The following TRMT61B variants were observed in gnomAD, a reference collection of about 807,000 sequenced individuals.
TRMT61B encodes the protein tRNA methyltransferase 61B.
In TRMT61B, 56 loss-of-function variants were observed where a neutral mutation model predicts 52.0. The ratio of observed to expected loss-of-function variants is 1.08; its 90% CI spans 0.87 to 1.35. TRMT61B has a LOEUF of 1.35. Ranked by LOEUF, TRMT61B falls within the 40% of genes most tolerant of loss-of-function variation. The probability of loss-of-function intolerance (pLI) is 0.00; values close to 1 mark genes in which losing one functional copy is unlikely to be tolerated. For synonymous variants in TRMT61B, 206 were observed against 220.0 expected (o/e 0.94, Z 0.56); for missense variants, 650 against 577.9 (o/e 1.12, Z -1.28).
intron 3 of TRMT61B, among the ~76,000 whole-genome samples, chr2:28,852,904 A>C (rs1222635253): frequency 2.0e-5 from 3 of 151,984 alleles, no homozygotes; most frequent in African/African-American, 7.3e-5. Flanking sequence ...GGCTGTAGTG[A>C]CCTATGACTG....
chr2:28,865,883 G>A (rs1039492522), intron 1 of TRMT61B, among the ~76,000 whole-genome samples: 8 of 151,520 alleles, frequency 5.3e-5, no homozygotes, highest in Non-Finnish European at 1.0e-4. Context: ...GTTTCACCAC[G>A]TTGGCCAGGC....
chr2:28,862,333 GTTTTT>G (rs369559361), intron 2 of TRMT61B, among the ~76,000 whole-genome samples: 64 of 126,906 alleles, frequency 5.0e-4, no homozygotes, highest in African/African-American at 1.8e-3. Flanking sequence ...TTTGAGTTTG[GTTTTT>G]TTTTTTTTTT....
chr2:28,858,478 T>A (rs1348942383), intron 3 of TRMT61B, among the ~76,000 whole-genome samples: 1 of 151,954 alleles, frequency 6.6e-6, no homozygotes, highest in Admixed American at 6.6e-5. Context: ...TCAGATCAGA[T>A]CTGGCCACCA....
chr2:28,850,676 T>TA (rs1669052881), intron 5 of TRMT61B: 1 of 367,850 alleles, frequency 2.7e-6, no homozygotes, highest in Non-Finnish European at 4.8e-6. Flanking sequence ...ATAATGTGTA[T>TA]ATATGACAAA....
chr2:28,851,347 T>C (rs1669088758), intron 4 of TRMT61B, 49 bp from the exon 5 acceptor site: 1 of 1,313,756 alleles, frequency 7.6e-7, no homozygotes, highest in African/African-American at 1.5e-5. Flanking sequence ...AATAACATTA[T>C]ATTTATTTAA....
At position 28,867,343 on chromosome 2, in the gene TRMT61B, C is replaced by T. The variant is rs143491835; in HGVS notation, c.700-2224G>A. Among the ~76,000 whole-genome samples the T allele has an allele frequency of 1.8e-3, 269 of 152,244 alleles. 1 individual carries two copies. The highest frequency in any genetic ancestry group is 2.4e-3 in the Non-Finnish European group (160 of 68,000). On this transcript the variant is annotated intron_variant, in intron 1 of 6. Coordinates refer to ENST00000306108, the MANE Select transcript of TRMT61B (RefSeq NM_017910.4). ...CTTCTGGGCTCAAATGATCCTCCTG[C>T]CTCAGCCTCCCAAAATATTGAGATT... is the stretch of plus-strand genomic sequence containing the variant.
At chr2:28,863,105 C>T (rs1158857444) in intron 2 of TRMT61B, among the ~76,000 whole-genome samples, 1 of 151,924 alleles carries the variant, frequency 6.6e-6, no homozygotes, top group Non-Finnish European at 1.5e-5. Flanking sequence ...ACTCCAACTG[C>T]AAGTTATCAG....
intron 3 of TRMT61B, among the ~76,000 whole-genome samples, chr2:28,860,605 CCTCACAATGTCTCTG>C (rs758518435): frequency 1.3e-5 from 2 of 152,170 alleles, no homozygotes; most frequent in Non-Finnish European, 2.9e-5. Flanking sequence ...TGTTTCTCTT[CCTCACAATGTCTCTG>C]CTCCACTTTC....
chr2:28,869,087 A>G (rs1669968945), intron 1 of TRMT61B, among the ~76,000 whole-genome samples: 1 of 152,220 alleles, frequency 6.6e-6, no homozygotes, highest in African/African-American at 2.4e-5. Flanking sequence ...AATGTTAGCT[A>G]TTGTAATATA....
In TRMT61B at chr2:28,869,860, A is replaced by T. The variant is rs1270728945; in HGVS notation, c.418T>A (p.Ser140Thr). ...TCTCTGGAAGTTGAACAAGAAGGGG[A>T]GACGTGACGCTCTTCGACCTCGGTA... Reference protein sequence around the residue: ...SATEVEERHVSPSCSTSRERP... With the variant: ...SATEVEERHVTPSCSTSRERP... The change falls in exon 1 of 7, where the codon TCC becomes ACC. Residue 140 changes from serine (S) to threonine (T), a missense_variant. Physicochemically the swap from Ser to Thr is moderately conservative, Grantham distance 58. Coordinates refer to ENST00000306108, the MANE Select transcript of TRMT61B (RefSeq NM_017910.4). 1 of 1,614,024 alleles carries T rather than the reference A, an allele frequency of 6.2e-7. No individual in the cohort carries two copies. Among genetic ancestry groups the T allele is most frequent in the Non-Finnish European group, 8.5e-7 (1 of 1,180,018 alleles).
At chr2:28,855,622 C>T (rs1015485411) in intron 3 of TRMT61B, among the ~76,000 whole-genome samples, 1 of 152,082 alleles carries the variant, frequency 6.6e-6, no homozygotes, top group Non-Finnish European at 1.5e-5. Context: ...GAGGAGCAAG[C>T]TTGGGGGAAA....
intron 4 of TRMT61B, 36 bp from the exon 5 acceptor site, chr2:28,851,334 A>G (rs1414089349): frequency 7.3e-7 from 1 of 1,371,022 alleles, no homozygotes; most frequent in Non-Finnish European, 1.0e-6. Context: ...TTTCTACTAA[A>G]ATAATAACAT....
chr2:28,850,641 A>C (rs1472965477), intron 5 of TRMT61B: 4 of 414,062 alleles, frequency 9.7e-6, no homozygotes, highest in Non-Finnish European at 1.3e-5. Context: ...ATCAACTGAT[A>C]CTTGAAAACT....
At chr2:28,856,784 G>A (rs913890940) in intron 3 of TRMT61B, among the ~76,000 whole-genome samples, 2 of 150,190 alleles carry the variant, frequency 1.3e-5, no homozygotes, top group South Asian at 2.1e-4. Flanking sequence ...ACAGGCATGC[G>A]CCACCACACC....
intron 5 of TRMT61B, 156 bp from the exon 6 acceptor site, chr2:28,850,561 GA>G: frequency 3.5e-6 from 2 of 572,390 alleles, no homozygotes; most frequent in East Asian, 5.8e-5. Context: ...TTATTATACA[GA>G]AACTATTTGT....
chr2:28,865,055 G>C lies in TRMT61B; in HGVS notation c.764C>G (p.Ser255Ter), dbSNP rs752014087. Reference sequence around the variant, plus strand: ...AAATAAGCTCATTCCACCAGAGCCTGAGCCAGCTTCCAAAACAGTATCACC... The same window carrying C: ...AAATAAGCTCATTCCACCAGAGCCTCAGCCAGCTTCCAAAACAGTATCACC... ...NPGDTVLEAG[S>*]GSGGMSLFLS... The change falls in exon 2 of 7, where the codon TCA becomes TGA. Residue 255 changes from serine (S) to a stop codon, truncating the protein, a stop_gained. Coordinates refer to ENST00000306108, the MANE Select transcript of TRMT61B (RefSeq NM_017910.4). LOFTEE classifies it high-confidence loss of function. 1.9e-6 allele frequency: 3 copies of C among 1,613,432 alleles called. No homozygotes were observed. Among genetic ancestry groups the C allele is most frequent in the East Asian group, 4.5e-5 (2 of 44,868 alleles).
At chr2:28,853,457 T>G (rs1024091005) in intron 3 of TRMT61B, among the ~76,000 whole-genome samples, 5 of 152,202 alleles carry the variant, frequency 3.3e-5, no homozygotes, top group African/African-American at 1.2e-4. Context: ...ATTACAGATG[T>G]GAACCGCTGC....
At chr2:28,865,896 G>T (rs900958925) in intron 1 of TRMT61B, among the ~76,000 whole-genome samples, 4 of 151,712 alleles carry the variant, frequency 2.6e-5, no homozygotes, top group Non-Finnish European at 5.9e-5. Flanking sequence ...GGCCAGGCTG[G>T]TCTTGAACTC....
intron 3 of TRMT61B, among the ~76,000 whole-genome samples, chr2:28,858,475 A>G (rs1294754358): frequency 1.3e-5 from 2 of 152,010 alleles, no homozygotes; most frequent in Non-Finnish European, 2.9e-5. Flanking sequence ...GGTTCAGATC[A>G]GATCTGGCCA....
Sources: allele counts gnomAD v4.1 joint callset (sites outside exome capture counted in the v4.1 genomes callset), GRCh38; gene constraint gnomAD v4.1.1; transcripts MANE v1.5; gene names NCBI Gene and HGNC (gene_info 2026-07-23, HGNC 2026-07-21).